Variants in SNX24 observed in about 807,000 individuals in gnomAD.
SNX24 encodes sorting nexin 24, also known as sorting nexin-24.
In SNX24, 22 loss-of-function variants were observed where a neutral mutation model predicts 28.7. That is an observed-to-expected ratio of 0.77 (90% confidence interval 0.55 to 1.10). The LOEUF is 1.10. Among genes scored for constraint, SNX24 ranks in the 50% least tolerant of loss-of-function variants. SNX24 has a pLI of 0.00. For synonymous variants in SNX24, 69 were observed against 71.5 expected (o/e 0.96, Z 0.18); for missense variants, 221 against 201.1 (o/e 1.10, Z -0.60).
At chr5:122,889,114 A>G (rs1756840673) in intron 1 of SNX24, among the ~76,000 whole-genome samples, 1 of 152,146 alleles carries the variant, frequency 6.6e-6, no homozygotes, top group African/African-American at 2.4e-5. Flanking sequence ...TGGCCTCCCA[A>G]AGTTCTGGAT....
chr5:122,964,469 T>C (rs572319103), intron 3 of SNX24, among the ~76,000 whole-genome samples: 1 of 152,082 alleles, frequency 6.6e-6, no homozygotes, highest in South Asian at 2.1e-4. Flanking sequence ...AATGTCAAAA[T>C]TATAGTATGC....
chr5:122,934,026 G>A (rs550117525), intron 1 of SNX24, among the ~76,000 whole-genome samples: 12 of 151,858 alleles, frequency 7.9e-5, no homozygotes, highest in Non-Finnish European at 1.5e-4. Context: ...CAGGTGATAC[G>A]CCCGTCTCAG....
At chr5:122,943,270 A>G (rs969205686) in intron 2 of SNX24, among the ~76,000 whole-genome samples, 1 of 152,174 alleles carries the variant, frequency 6.6e-6, no homozygotes, top group Non-Finnish European at 1.5e-5. Flanking sequence ...CACATAATAA[A>G]GCCTGCCTTC....
At chr5:122,906,308 C>G (rs1412773545) in intron 1 of SNX24, among the ~76,000 whole-genome samples, 2 of 152,168 alleles carry the variant, frequency 1.3e-5, no homozygotes. Flanking sequence ...TGTCATTGTA[C>G]AAACATCTTA....
intron 3 of SNX24, among the ~76,000 whole-genome samples, chr5:122,947,905 TTTAAG>T (rs1419054429): frequency 3.9e-5 from 6 of 152,180 alleles, no homozygotes; most frequent in African/African-American, 1.4e-4. Context: ...GTGTAAACAT[TTTAAG>T]TTGTTTGTAC....
At chr5:122,885,860 T>C (rs958542950) in intron 1 of SNX24, among the ~76,000 whole-genome samples, 2 of 152,134 alleles carry the variant, frequency 1.3e-5, no homozygotes, top group African/African-American at 4.8e-5. Flanking sequence ...GATGAAACTG[T>C]TCCACCTCAG....
chr5:122,891,252 T>C, intron 1 of SNX24: 1 of 937,186 alleles, frequency 1.1e-6, no homozygotes, highest in Non-Finnish European at 1.5e-6. Flanking sequence ...TATTCTAATA[T>C]CAATGTATTC....
chr5:122,974,604 G>C lies in SNX24; in HGVS notation c.250-25308G>C, dbSNP rs1031927018. Among the ~76,000 whole-genome samples the C allele has an allele frequency of 9.9e-5, 15 of 152,244 alleles. 1 individual carries two copies. Among genetic ancestry groups the C allele is most frequent in the African/African-American group, 3.4e-4 (14 of 41,468 alleles). On this transcript the variant is annotated intron_variant, in intron 3 of 6. Coordinates refer to ENST00000261369, the MANE Select transcript of SNX24 (RefSeq NM_014035.4). ...CAATGAAACCACATCTGGTACAGCA[G>C]CTGCAGTTGGAGTTACCACTTGGCT...
At chr5:123,005,122 T>A (rs969120963) in intron 6 of SNX24, among the ~76,000 whole-genome samples, 4 of 152,228 alleles carry the variant, frequency 2.6e-5, no homozygotes, top group African/African-American at 9.6e-5. Context: ...TTCTGATCGC[T>A]AGTTGGTGGA....
At chr5:122,882,539 C>T (rs1756528298) in intron 1 of SNX24, among the ~76,000 whole-genome samples, 1 of 152,216 alleles carries the variant, frequency 6.6e-6, no homozygotes, top group Non-Finnish European at 1.5e-5. Flanking sequence ...GAGCTCCTGC[C>T]CTCATCTCTT....
intron 1 of SNX24, among the ~76,000 whole-genome samples, chr5:122,909,088 C>G (rs921673499): frequency 6.6e-6 from 1 of 152,146 alleles, no homozygotes; most frequent in East Asian, 1.9e-4. Flanking sequence ...TGCACTTATT[C>G]CACATATGAA....
chr5:122,907,069 A>G (rs980838084), intron 1 of SNX24, among the ~76,000 whole-genome samples: 1 of 152,114 alleles, frequency 6.6e-6, no homozygotes, highest in Non-Finnish European at 1.5e-5. Flanking sequence ...CTTATCTTTT[A>G]ATCCTACGTC....
At chr5:122,896,710 A>C (rs1757217853) in intron 1 of SNX24, among the ~76,000 whole-genome samples, 1 of 152,228 alleles carries the variant, frequency 6.6e-6, no homozygotes, top group African/African-American at 2.4e-5. Flanking sequence ...TCAGGAAAAA[A>C]AGTCTTATAA....
At chr5:122,884,298 C>G (rs2150063957) in intron 1 of SNX24, among the ~76,000 whole-genome samples, 1 of 123,416 alleles carries the variant, frequency 8.1e-6, no homozygotes, top group East Asian at 2.7e-4. Context: ...GTTGCCTAGG[C>G]TAGAGTGCAG....
downstream of SNX24, among the ~76,000 whole-genome samples, chr5:123,011,991 A>AC (rs1762588808): frequency 6.6e-6 from 1 of 152,022 alleles, no homozygotes; most frequent in Non-Finnish European, 1.5e-5. Context: ...GGGAGCAGTT[A>AC]CCCCCATGCT....
At chr5:123,013,855 A>G (rs1250081170), downstream of SNX24, among the ~76,000 whole-genome samples, 1 of 152,168 alleles carries the variant, frequency 6.6e-6, no homozygotes, top group Admixed American at 6.5e-5. Context: ...TGCATATTTT[A>G]TCACGTTAAG....
chr5:122,895,741 C>G (rs888454965), intron 1 of SNX24, among the ~76,000 whole-genome samples: 2 of 152,206 alleles, frequency 1.3e-5, no homozygotes, highest in African/African-American at 4.8e-5. Context: ...AAGAAAATCC[C>G]CATTTCTGCT....
At chr5:122,964,126 C>G (rs977789126) in intron 3 of SNX24, among the ~76,000 whole-genome samples, 1 of 151,454 alleles carries the variant, frequency 6.6e-6, no homozygotes, top group Admixed American at 6.6e-5. Flanking sequence ...GCCTGTAATC[C>G]CAGCTACTTG....
intron 1 of SNX24, among the ~76,000 whole-genome samples, chr5:122,884,419 G>T (rs154498): frequency 0.18 from 27,842 of 151,414 alleles, 3,057 homozygotes; most frequent in East Asian, 0.48. Context: ...GCTAATTTTT[G>T]TATTTTTAGT....
Sources: gnomAD v4.1 joint callset for allele counts (sites outside exome capture counted in the v4.1 genomes callset) on GRCh38, gnomAD v4.1.1 for gene constraint, MANE v1.5 for transcripts, NCBI Gene and HGNC (gene_info 2026-07-23, HGNC 2026-07-21) for gene names.